Variants in CAMK4 observed in about 807,000 individuals in gnomAD.
CAMK4 encodes the protein calcium/calmodulin-dependent protein kinase type IV.
In CAMK4, 22 loss-of-function variants were observed where a neutral mutation model predicts 44.9. The observed-to-expected ratio is 0.49, with a 90% CI of 0.35 to 0.70. The LOEUF (loss-of-function observed/expected upper bound fraction) is 0.70. Ranked by LOEUF, CAMK4 falls within the 30% of genes least tolerant of loss-of-function variation. CAMK4 has a pLI of 0.01. For missense variants in CAMK4, 498 were observed against 586.8 expected (o/e 0.85, Z 1.56); for synonymous variants, 218 against 215.4 (o/e 1.01, Z -0.11).
chr5:111,340,570 C>T (rs951144901), intron 1 of CAMK4, among the ~76,000 whole-genome samples: 2 of 151,168 alleles, frequency 1.3e-5, no homozygotes, highest in African/African-American at 4.8e-5. Flanking sequence ...TAACACTTGA[C>T]CATGATGAAT....
chr5:111,352,560 G>A (rs760259702), intron 2 of CAMK4, among the ~76,000 whole-genome samples: 2 of 150,650 alleles, frequency 1.3e-5, no homozygotes, highest in Admixed American at 6.6e-5. Flanking sequence ...CAGTTCTGGA[G>A]GAGGCTGAGA....
At chr5:111,296,408 G>T (rs1272999281) in intron 1 of CAMK4, among the ~76,000 whole-genome samples, 2 of 152,182 alleles carry the variant, frequency 1.3e-5, no homozygotes, top group Non-Finnish European at 2.9e-5. Context: ...GTTCATTAGG[G>T]ATGAATGTTT....
chr5:111,263,224 T>C (rs1750072186), intron 1 of CAMK4, among the ~76,000 whole-genome samples: 1 of 152,256 alleles, frequency 6.6e-6, no homozygotes. Flanking sequence ...ACCTATTATG[T>C]GAAATATATT....
chr5:111,375,026 A>G, intron 3 of CAMK4, 114 bp downstream of exon 3: 1 of 715,714 alleles, frequency 1.4e-6, no homozygotes, highest in Non-Finnish European at 2.5e-6. Flanking sequence ...ACTGATAGCT[A>G]CTATGTGCTA....
In CAMK4 at chr5:111,473,598, C is replaced by A. The variant is rs143574278; in HGVS notation, c.701+212C>A. On this transcript the variant is annotated intron_variant, in intron 8 of 10. Transcript: ENST00000282356. ...TTGAGACCGGAATTCTTGTCCAGGG[C>A]TTTCCTATGTCTATATCCACTATGT... Among the ~76,000 whole-genome samples, 8 of 152,268 alleles carry A rather than the reference C, an allele frequency of 5.3e-5. No individual in the cohort carries two copies. In the East Asian group the frequency reaches 1.3e-3, roughly 26 times the overall value.
At chr5:111,232,453 C>A (rs766695055) in intron 1 of CAMK4, among the ~76,000 whole-genome samples, 7 of 151,052 alleles carry the variant, frequency 4.6e-5, no homozygotes, top group Non-Finnish European at 8.9e-5. Context: ...TAAGAAGAGG[C>A]AAAAAAAGGA....
At chr5:111,310,178 A>C (rs1210769794) in intron 1 of CAMK4, among the ~76,000 whole-genome samples, 2 of 152,086 alleles carry the variant, frequency 1.3e-5, no homozygotes, top group Non-Finnish European at 2.9e-5. Context: ...CTGTATCCCC[A>C]CCTGTGCAAA....
At chr5:111,367,321 G>A (rs1016499353) in intron 2 of CAMK4, among the ~76,000 whole-genome samples, 11 of 151,682 alleles carry the variant, frequency 7.3e-5, no homozygotes, top group Admixed American at 6.6e-5. Context: ...TCACTCCCAG[G>A]ATGACGGCAA....
At chr5:111,390,827 C>G (rs1344675412) in intron 4 of CAMK4, among the ~76,000 whole-genome samples, 6 of 152,082 alleles carry the variant, frequency 3.9e-5, no homozygotes, top group Non-Finnish European at 7.4e-5. Flanking sequence ...TGAAGCCTAA[C>G]ATACAAGTGA....
chr5:111,448,711 C>G (rs1186885934), intron 6 of CAMK4, among the ~76,000 whole-genome samples: 2 of 152,034 alleles, frequency 1.3e-5, no homozygotes, highest in African/African-American at 4.8e-5. Flanking sequence ...GAGGCTGAGT[C>G]AGAGAATTGC....
intron 2 of CAMK4, among the ~76,000 whole-genome samples, chr5:111,346,482 T>TTATCTGTCTATCTATCTATCTATC (rs148693533): frequency 3.7e-4 from 55 of 150,032 alleles, no homozygotes; most frequent in Non-Finnish European, 6.7e-4. Flanking sequence ...GCTTGAAACT[T>TTATCTGTCTATCTATCTATCTATC]TATCTATCTA....
At chr5:111,276,596 A>G (rs1357560247) in intron 1 of CAMK4, among the ~76,000 whole-genome samples, 2 of 152,114 alleles carry the variant, frequency 1.3e-5, no homozygotes, top group Non-Finnish European at 2.9e-5. Flanking sequence ...GTCAAAATCT[A>G]AAAAAGTTTT....
At position 111,224,648 on chromosome 5, in the gene CAMK4, A is replaced by AGGCGCG; in HGVS notation, c.161+8_161+13dup. On this transcript the variant is annotated splice_donor_region_variant and intron_variant, in intron 1 of 10. Transcript: ENST00000282356. The surrounding 1 kb of genome is among the most constrained non-coding windows in gnomAD (Gnocchi z 5.7). ...AGGTGGAGTCGGAGCTGGGACGGTAAGGCGCGGGCTCCGGCTGGGGAAGCC... is the reference window on the plus strand; with the variant it reads ...AGGTGGAGTCGGAGCTGGGACGGTAAGGCGCGGGCGCGGGCTCCGGCTGGGGAAGCC... 2 of 1,602,398 alleles carry AGGCGCG rather than the reference A, an allele frequency of 1.2e-6. No individual in the cohort carries two copies. The highest frequency in any genetic ancestry group is 1.7e-6 in the Non-Finnish European group (2 of 1,174,960).
intron 4 of CAMK4, among the ~76,000 whole-genome samples, chr5:111,387,788 G>A (rs1253630382): frequency 6.6e-6 from 1 of 152,158 alleles, no homozygotes; most frequent in Non-Finnish European, 1.5e-5. Flanking sequence ...CTAATGAGAA[G>A]GCTAATAATT....
chr5:111,464,295 G>A (rs951808205), intron 7 of CAMK4, among the ~76,000 whole-genome samples: 3 of 151,744 alleles, frequency 2.0e-5, no homozygotes, highest in Non-Finnish European at 4.4e-5. Context: ...ACGAAAAAAA[G>A]AATTTAAAAA....
intron 7 of CAMK4, among the ~76,000 whole-genome samples, chr5:111,457,517 A>G (rs1484288779): frequency 6.6e-6 from 1 of 152,234 alleles, no homozygotes; most frequent in Non-Finnish European, 1.5e-5. Flanking sequence ...CACTTGCCAC[A>G]TTGCTACTTT....
At chr5:111,442,241 C>T (rs1424934627) in intron 5 of CAMK4, among the ~76,000 whole-genome samples, 1 of 152,106 alleles carries the variant, frequency 6.6e-6, no homozygotes, top group African/African-American at 2.4e-5. Context: ...TGCCTATAAT[C>T]CCAGCACTTG....
intron 1 of CAMK4, among the ~76,000 whole-genome samples, chr5:111,237,944 T>G (rs1748806083): frequency 6.6e-6 from 1 of 152,330 alleles, no homozygotes; most frequent in South Asian, 2.1e-4. Flanking sequence ...AACTTCCAAG[T>G]AGGGTTATTA....
chr5:111,458,036 G>T (rs566978927), intron 7 of CAMK4, among the ~76,000 whole-genome samples: 7 of 152,298 alleles, frequency 4.6e-5, no homozygotes, highest in African/African-American at 1.7e-4. Context: ...ATGGGAAAAC[G>T]ACCATCAGGG....
Sources: allele counts gnomAD v4.1 joint callset (sites outside exome capture counted in the v4.1 genomes callset), GRCh38; gene constraint gnomAD v4.1.1; non-coding constraint Gnocchi (gnomAD v3.1); transcripts MANE v1.5; gene names NCBI Gene and HGNC (gene_info 2026-07-23, HGNC 2026-07-21).